BHMT2: variants seen among roughly 807,000 people sequenced by gnomAD.
The protein encoded by BHMT2 is betaine--homocysteine S-methyltransferase 2, also known as S-methylmethionine--homocysteine S-methyltransferase BHMT2.
A neutral mutation model predicts 39.0 loss-of-function variants in BHMT2; 28 were observed. The ratio of observed to expected loss-of-function variants is 0.72; its 90% CI spans 0.53 to 0.98. The LOEUF (loss-of-function observed/expected upper bound fraction) is 0.98, where lower values mean the gene tolerates loss of function less well. BHMT2 is among the 50% of genes least tolerant of loss of function. The pLI is 0.00. For synonymous variants in BHMT2, 145 were observed against 160.6 expected (o/e 0.90, Z 0.74); for missense variants, 410 against 455.6 (o/e 0.90, Z 0.91).
intron 4 of BHMT2, among the ~76,000 whole-genome samples, chr5:79,081,450 GC>G (rs1755787381): frequency 6.6e-6 from 1 of 152,146 alleles, no homozygotes; most frequent in African/African-American, 2.4e-5. Flanking sequence ...GGACATGAAG[GC>G]CCAGAACATT....
chr5:79,076,109 G>A (rs1755666252), intron 1 of BHMT2, among the ~76,000 whole-genome samples: 1 of 152,144 alleles, frequency 6.6e-6, no homozygotes. Flanking sequence ...AGGTTTTATC[G>A]AATGGTGGAA....
At chr5:79,071,958 A>G (rs1314287136) in intron 1 of BHMT2, among the ~76,000 whole-genome samples, 5 of 152,062 alleles carry the variant, frequency 3.3e-5, no homozygotes, top group African/African-American at 1.2e-4. Context: ...TTATTTTGCT[A>G]ATGGCTATGT....
In BHMT2 at chr5:79,080,723, AG is replaced by A. The variant is rs761443373; in HGVS notation, c.298del (p.Glu100LysfsTer10). ...DVNAAACDLA[R>X]EVAGKGDALV... ...AAATGCTGCTGCCTGTGACCTCGCC[AG>A]GGAAGTGGCTGGCAAAGGTGATGCT... On this transcript the variant is annotated frameshift_variant, in exon 4 of 8. Coordinates refer to ENST00000255192, the MANE Select transcript of BHMT2 (RefSeq NM_017614.5). LOFTEE classifies it high-confidence loss of function. The A allele has an allele frequency of 4.2e-5, 67 of 1,601,594 alleles. No individual in the cohort carries two copies. The highest frequency in any genetic ancestry group is 5.6e-5 in the Non-Finnish European group (66 of 1,176,252).
At position 79,088,606 on chromosome 5, in the gene BHMT2, A is replaced by T; in HGVS notation, c.*32A>T. 1 of 1,601,620 alleles carries T rather than the reference A, an allele frequency of 6.2e-7. No individual in the cohort carries two copies. Among genetic ancestry groups the T allele is most frequent in the Non-Finnish European group, 8.5e-7 (1 of 1,170,324 alleles). ...GTGAAAGAAAACCCTGAAATAATCG[A>T]ACAGGAAAAAGTTGCCCTCAAGCCT... On this transcript the variant is annotated 3_prime_UTR_variant, in exon 8 of 8. Transcript: ENST00000255192.
At chr5:79,085,447 G>A (rs13178929) in intron 7 of BHMT2, among the ~76,000 whole-genome samples, 8 of 152,184 alleles carry the variant, frequency 5.3e-5, no homozygotes, top group South Asian at 4.1e-4. Context: ...TTGGGAGGCC[G>A]AGGCTGGTGG....
At chr5:79,072,246 G>A (rs1331408723) in intron 1 of BHMT2, among the ~76,000 whole-genome samples, 8 of 150,966 alleles carry the variant, frequency 5.3e-5, no homozygotes, top group Non-Finnish European at 5.9e-5. Flanking sequence ...CAGCCTGGGC[G>A]ACAAGAGTGA....
Position 79,088,537 on chromosome 5 carries a change from G to A in BHMT2, c.1055G>A (p.Arg352Lys), listed in dbSNP as rs143035984. The A allele has an allele frequency of 1.8e-4, 290 of 1,614,130 alleles. No individual in the cohort carries two copies. The highest frequency in any genetic ancestry group is 2.2e-4 in the Non-Finnish European group (265 of 1,180,000). ...GAGAATCTGCTGCCAGCTTCAGGCA[G>A]ACCTTTCTGTCCTTCGCTGTCAAAG... Reference protein sequence around the residue: ...YWENLLPASGRPFCPSLSKPD... With the variant: ...YWENLLPASGKPFCPSLSKPD... The change falls in exon 8 of 8, where the codon AGA becomes AAA. Residue 352 changes from arginine (R) to lysine (K), a missense_variant. Coordinates refer to ENST00000255192, the MANE Select transcript of BHMT2 (RefSeq NM_017614.5).
intron 1 of BHMT2, among the ~76,000 whole-genome samples, chr5:79,070,338 G>T (rs1392388245): frequency 6.6e-6 from 1 of 152,122 alleles, no homozygotes; most frequent in Non-Finnish European, 1.5e-5. Flanking sequence ...GGGCAAGGAC[G>T]CCCCCAGAGC....
At chr5:79,080,557 G>A in intron 3 of BHMT2, 130 bp from the exon 4 acceptor site, 1 of 725,508 alleles carries the variant, frequency 1.4e-6, no homozygotes, top group East Asian at 3.0e-5. Flanking sequence ...AACTCTGCTG[G>A]TCTTTTCTGC....
chr5:79,078,270 A>T (rs1307762307), intron 2 of BHMT2: 14 of 151,780 alleles, frequency 9.2e-5, no homozygotes, highest in African/African-American at 2.7e-4. Context: ...GGCTGGGAAA[A>T]AAAAAAAAAA....
chr5:79,070,606 T>C (rs1276830872), intron 1 of BHMT2, among the ~76,000 whole-genome samples: 1 of 151,994 alleles, frequency 6.6e-6, no homozygotes, highest in Non-Finnish European at 1.5e-5. Flanking sequence ...TCATTCAGAA[T>C]GGGAGGAAGG....
Position 79,080,758 on chromosome 5 carries a change from A to G in BHMT2, c.330A>G (p.Ala110=). 6.2e-7 allele frequency: 1 copy of G among 1,604,722 alleles called. No individual in the cohort carries two copies. The highest frequency in any genetic ancestry group is 1.1e-5 in the South Asian group (1 of 88,840). The change falls in exon 4 of 8, where the codon GCA becomes GCG. Residue 110 remains alanine, a synonymous_variant. Transcript: ENST00000255192. ...EVAGKGDALV[A]GGICQTSIYK... ...CTGGCAAAGGTGATGCTTTGGTAGC[A>G]GGGGGGATCTGCCAGACATCAATAT...
At chr5:79,085,402 T>TG (rs1755873509) in intron 7 of BHMT2, among the ~76,000 whole-genome samples, 1 of 152,172 alleles carries the variant, frequency 6.6e-6, no homozygotes, top group Non-Finnish European at 1.5e-5. Context: ...TGTTTAGGAC[T>TG]GGGCACAGTG....
At chr5:79,074,923 T>C (rs1755647145) in intron 1 of BHMT2, among the ~76,000 whole-genome samples, 1 of 152,206 alleles carries the variant, frequency 6.6e-6, no homozygotes, top group Non-Finnish European at 1.5e-5. Flanking sequence ...TCCTCATCGT[T>C]TGAGACAGAG....
chr5:79,086,990 GTGTA>G (rs1400976139), intron 7 of BHMT2, among the ~76,000 whole-genome samples: 1 of 125,676 alleles, frequency 8.0e-6, no homozygotes, highest in South Asian at 2.6e-4. Context: ...ATAATCTTTT[GTGTA>G]TGTATGTGTG....
In BHMT2 at chr5:79,083,635, G is replaced by C. The variant is rs779369733; in HGVS notation, c.789G>C (p.Glu263Asp). Residue 263 changes from glutamate to aspartate, a missense_variant, in exon 7 of 8, where the codon GAG becomes GAC. Transcript: ENST00000255192. ...VDLPEYPFGL[E>D]SRVATRWDIQ... ...TTAACTATTGTGATTCAGGACTGGA[G>C]TCCAGAGTTGCCACCAGATGGGATA... The C allele has an allele frequency of 3.1e-6, 5 of 1,613,994 alleles. No individual in the cohort carries two copies. In the South Asian group the frequency reaches 5.5e-5, roughly 18 times the overall value.
chr5:79,080,897 G>A lies in BHMT2; in HGVS notation c.450+19G>A, dbSNP rs1316364825. The A allele has an allele frequency of 1.3e-6, 2 of 1,544,252 alleles. No homozygotes were observed. On this transcript the variant is annotated intron_variant, in intron 4 of 7. Coordinates refer to ENST00000255192, the MANE Select transcript of BHMT2 (RefSeq NM_017614.5). ...TGCAGAGGTGAGGCTAGTATTGGAG[G>A]AAAAGGATTGAACCTATTTTGCAAG...
intron 1 of BHMT2, 26 bp downstream of exon 1, chr5:79,069,841 C>G (rs949877429): frequency 2.9e-6 from 4 of 1,400,720 alleles, no homozygotes; most frequent in Admixed American, 3.0e-5. Context: ...TCGATCCTCG[C>G]GGAGCTCCTG....
chr5:79,077,842 C>A, intron 2 of BHMT2: 1 of 371,540 alleles, frequency 2.7e-6, no homozygotes, highest in Non-Finnish European at 4.9e-6. Flanking sequence ...CATCCACACG[C>A]CCACACACAC....
Sources: gnomAD v4.1 joint callset for allele counts (sites outside exome capture counted in the v4.1 genomes callset) on GRCh38, gnomAD v4.1.1 for gene constraint, MANE v1.5 for transcripts, NCBI Gene and HGNC (gene_info 2026-07-23, HGNC 2026-07-21) for gene names.